UBLCP1: variants seen among roughly 807,000 people sequenced by gnomAD.
The protein encoded by UBLCP1 is ubiquitin like domain containing CTD phosphatase 1.
In UBLCP1, 28 loss-of-function variants were observed where a neutral mutation model predicts 42.4. That is an observed-to-expected ratio of 0.66 (90% CI 0.49 to 0.90). The LOEUF (loss-of-function observed/expected upper bound fraction) is 0.90. Among genes scored for constraint, UBLCP1 ranks in the 40% least tolerant of loss-of-function variants. UBLCP1 has a pLI of 0.00. For synonymous variants in UBLCP1, 122 were observed against 120.8 expected, an observed-to-expected ratio of 1.01 and a Z score of -0.07; for missense variants, 279 against 374.5, an observed-to-expected ratio of 0.75 and a Z score of 2.10.
chr5:159,277,843 T>G (rs910556531), intron 8 of UBLCP1, among the ~76,000 whole-genome samples: 1 of 152,164 alleles, frequency 6.6e-6, no homozygotes, highest in Non-Finnish European at 1.5e-5. Context: ...TGTTCTAGTT[T>G]TGAAAGCAGA....
At chr5:159,265,595 G>A (rs1197838755) in intron 1 of UBLCP1, among the ~76,000 whole-genome samples, 1 of 152,176 alleles carries the variant, frequency 6.6e-6, no homozygotes, top group Non-Finnish European at 1.5e-5. Flanking sequence ...CTTATTGTGG[G>A]AGGGACCCAG....
intron 9 of UBLCP1, among the ~76,000 whole-genome samples, chr5:159,282,682 A>G (rs7736656): frequency 0.84 from 127,446 of 151,994 alleles, 53,483 homozygotes; most frequent in East Asian, 1. Context: ...TGATTTTAAC[A>G]GAGAATTTAA....
chr5:159,283,436 T>G, intron 10 of UBLCP1, 97 bp downstream of exon 10: 4 of 1,050,376 alleles, frequency 3.8e-6, no homozygotes, highest in Non-Finnish European at 5.4e-6. Context: ...GCTGTCTTAA[T>G]TTTTATTTAA....
intron 9 of UBLCP1, among the ~76,000 whole-genome samples, chr5:159,280,903 T>C (rs1344639500): frequency 6.6e-6 from 1 of 152,188 alleles, no homozygotes; most frequent in Non-Finnish European, 1.5e-5. Flanking sequence ...AATTATGATA[T>C]AGGAGAATTC....
intron 5 of UBLCP1, among the ~76,000 whole-genome samples, chr5:159,271,525 T>C (rs1400417585): frequency 1.3e-5 from 2 of 152,208 alleles, no homozygotes; most frequent in Admixed American, 1.3e-4. Flanking sequence ...ATGTCTAATG[T>C]TGGCAAGAAA....
At chr5:159,264,269 G>C (rs1190623393) in intron 1 of UBLCP1, among the ~76,000 whole-genome samples, 2 of 151,972 alleles carry the variant, frequency 1.3e-5, no homozygotes, top group Non-Finnish European at 2.9e-5. Context: ...TGCTTGTTTG[G>C]GTTTGCCAAC....
At position 159,269,086 on chromosome 5, in the gene UBLCP1, T is replaced by C; in HGVS notation, c.154+17T>C. On this transcript the variant is annotated intron_variant, in intron 2 of 10. Coordinates refer to ENST00000296786, the MANE Select transcript of UBLCP1 (RefSeq NM_145049.5). ...AAGTTAAAGGTAATTCTCTCCCCTC[T>C]TCAGATTTTTTGCATTGAATTTTTA... 2.0e-6 allele frequency: 3 copies of C among 1,495,480 alleles called. No individual in the cohort carries two copies. Among genetic ancestry groups the C allele is most frequent in the Non-Finnish European group, 2.7e-6 (3 of 1,126,900 alleles). The allele number at this position is 1,495,480 out of a possible 1,614,324, so 92.6% of individuals were successfully genotyped here.
chr5:159,281,081 T>C (rs1213556562), intron 9 of UBLCP1, among the ~76,000 whole-genome samples: 2 of 152,228 alleles, frequency 1.3e-5, no homozygotes, highest in Non-Finnish European at 2.9e-5. Context: ...TTTTCACCCT[T>C]AATTTGTTTA....
Position 159,263,305 on chromosome 5 carries a change from C to G in UBLCP1, c.-102C>G, listed in dbSNP as rs914482901. ...CCCGCCCTTCACTTCCGGTCGCTTTCGGTCTCTCAGCGGCCGGTTTCTGCG... is the reference window on the plus strand; with the variant it reads ...CCCGCCCTTCACTTCCGGTCGCTTTGGGTCTCTCAGCGGCCGGTTTCTGCG... On this transcript the variant is annotated 5_prime_UTR_variant, in exon 1 of 11. Coordinates refer to ENST00000296786, the MANE Select transcript of UBLCP1 (RefSeq NM_145049.5). The G allele has an allele frequency of 1.3e-5, 2 of 152,338 alleles. No individual in the cohort carries two copies. The highest frequency in any genetic ancestry group is 2.9e-5 in the Non-Finnish European group (2 of 68,052). The allele number at this position is 152,338 out of a possible 1,614,324, so 9.4% of individuals were successfully genotyped here.
chr5:159,278,405 T>C (rs747365933), intron 9 of UBLCP1, 51 bp downstream of exon 9: 17 of 1,295,112 alleles, frequency 1.3e-5, no homozygotes, highest in Non-Finnish European at 1.9e-5. Flanking sequence ...GGCTGTGTGG[T>C]AGAACTTTTG....
At chr5:159,279,183 G>C (rs542908260) in intron 9 of UBLCP1, among the ~76,000 whole-genome samples, 1 of 152,298 alleles carries the variant, frequency 6.6e-6, no homozygotes, top group African/African-American at 2.4e-5. Flanking sequence ...GGTTGAAGAA[G>C]TTCCTGACTT....
At chr5:159,265,915 C>G (rs376440805) in intron 1 of UBLCP1, among the ~76,000 whole-genome samples, 2 of 152,194 alleles carry the variant, frequency 1.3e-5, no homozygotes, top group South Asian at 2.1e-4. Context: ...AACTCCTGAC[C>G]TAAGGTGATT....
Position 159,285,836 on chromosome 5 carries a change from C to G in UBLCP1, c.*905C>G, listed in dbSNP as rs887625577. On this transcript the variant is annotated 3_prime_UTR_variant, in exon 11 of 11. Coordinates refer to ENST00000296786, the MANE Select transcript of UBLCP1 (RefSeq NM_145049.5). ...GCTAACACTGTTTCAGTGAAAATATCTAGCCATAAGATTAAAAAAATATAT... is the reference window on the plus strand; with the variant it reads ...GCTAACACTGTTTCAGTGAAAATATGTAGCCATAAGATTAAAAAAATATAT... 2 of 152,842 alleles carry G rather than the reference C, an allele frequency of 1.3e-5. No homozygotes were observed. Among genetic ancestry groups the G allele is most frequent in the Middle Eastern group, 3.4e-3 (1 of 294 alleles). The allele number at this position is 152,842 out of a possible 1,614,324, so 9.5% of individuals were successfully genotyped here.
At chr5:159,280,223 G>A (rs907276635) in intron 9 of UBLCP1, among the ~76,000 whole-genome samples, 2 of 152,096 alleles carry the variant, frequency 1.3e-5, no homozygotes, top group Non-Finnish European at 2.9e-5. Context: ...ATCTACCCAA[G>A]ATAACACTTC....
chr5:159,270,892 A>C (rs1753457521), intron 5 of UBLCP1, among the ~76,000 whole-genome samples: 1 of 127,760 alleles, frequency 7.8e-6, no homozygotes, highest in Non-Finnish European at 1.8e-5. Flanking sequence ...GTTTGTATGG[A>C]TCTCCTCTAA....
At chr5:159,278,461 C>T (rs2113319888) in intron 9 of UBLCP1, 107 bp downstream of exon 9, 1 of 807,704 alleles carries the variant, frequency 1.2e-6, no homozygotes, top group East Asian at 2.5e-5. Flanking sequence ...GTACTGTATT[C>T]TTATGTCATA....
In UBLCP1 at chr5:159,284,741, C is replaced by T. The variant is rs145302003; in HGVS notation, c.930-163C>T. 9.4e-4 allele frequency among the ~76,000 whole-genome samples: 143 copies of T among 152,300 alleles called. 3 individuals carry two copies. In the East Asian group the frequency reaches 0.026, roughly 28 times the overall value. ...AAGACTAAATGAATTAATACATGTA[C>T]TTAGAACTGTGCGTGCACATAATCA... is the stretch of plus-strand genomic sequence containing the variant. On this transcript the variant is annotated intron_variant, in intron 10 of 10. Transcript: ENST00000296786.
At position 159,283,289 on chromosome 5, in the gene UBLCP1, G is replaced by T; in HGVS notation, c.879G>T (p.Glu293Asp). The T allele has an allele frequency of 6.2e-7, 1 of 1,604,336 alleles. No individual in the cohort carries two copies. The highest frequency in any genetic ancestry group is 8.5e-7 in the Non-Finnish European group (1 of 1,176,532). Reference protein sequence around the residue: ...ELLKLTQYLKEIAKLDDFLDL... With the variant: ...ELLKLTQYLKDIAKLDDFLDL... ...TAAAATTAACTCAGTACCTCAAGGA[G>T]ATAGCAAAATTAGATGACTTTTTGG... The change falls in exon 10 of 11, where the codon GAG becomes GAT. Residue 293 changes from glutamate (E) to aspartate (D), a missense_variant. Physicochemically the swap from Glu to Asp is conservative, Grantham distance 45. Transcript: ENST00000296786.
chr5:159,268,220 G>A (rs1023738635), intron 1 of UBLCP1, among the ~76,000 whole-genome samples: 7 of 152,324 alleles, frequency 4.6e-5, no homozygotes, highest in Admixed American at 3.9e-4. Flanking sequence ...ATTTAGCACA[G>A]TGCCTGCCTG....
Sources: gnomAD v4.1 joint callset for allele counts (sites outside exome capture counted in the v4.1 genomes callset) on GRCh38, gnomAD v4.1.1 for gene constraint, MANE v1.5 for transcripts, NCBI Gene and HGNC (gene_info 2026-07-23, HGNC 2026-07-21) for gene names.